NOS1AP: variants seen among roughly 807,000 people sequenced by gnomAD.
NOS1AP encodes carboxyl-terminal PDZ ligand of neuronal nitric oxide synthase protein.
In NOS1AP, 21 loss-of-function variants were observed where a neutral mutation model predicts 56.2. The ratio of observed to expected loss-of-function variants is 0.37; its 90% CI spans 0.26 to 0.54. NOS1AP has a LOEUF of 0.54. Among genes scored for constraint, NOS1AP ranks in the 20% least tolerant of loss-of-function variants. The probability of loss-of-function intolerance (pLI) is 0.84; values close to 1 mark genes in which losing one functional copy is unlikely to be tolerated. For missense variants in NOS1AP, 522 were observed against 657.8 expected, an observed-to-expected ratio of 0.79 and a Z score of 2.26; for synonymous variants, 270 against 274.6, an observed-to-expected ratio of 0.98 and a Z score of 0.17.
intron 2 of NOS1AP, among the ~76,000 whole-genome samples, chr1:162,221,392 G>T (rs1048689353): frequency 2.0e-5 from 3 of 151,952 alleles, no homozygotes; most frequent in African/African-American, 7.3e-5. Flanking sequence ...ATTACAACTA[G>T]AATCTTTTGC....
At position 162,161,372 on chromosome 1, in the gene NOS1AP, A is replaced by G. The variant is rs182012747; in HGVS notation, c.177+6896A>G. ...TTCCACCCCCTACTGAGGTACTCCA[A>G]TATTGGGATCAGGAAGAACTAAATT... On this transcript the variant is annotated intron_variant, in intron 2 of 9. Coordinates refer to ENST00000361897, the MANE Select transcript of NOS1AP (RefSeq NM_014697.3). Among the ~76,000 whole-genome samples, 222 of 152,318 alleles carry G rather than the reference A, an allele frequency of 1.5e-3. 1 individual carries two copies. The highest frequency in any genetic ancestry group is 3.5e-3 in the African/African-American group (146 of 41,570).
At chr1:162,137,422 G>C (rs1186485636) in intron 1 of NOS1AP, among the ~76,000 whole-genome samples, 1 of 151,798 alleles carries the variant, frequency 6.6e-6, no homozygotes. Flanking sequence ...TCCATCTATT[G>C]ATCAGAGTTA....
At chr1:162,238,323 G>A (rs1332259555) in intron 2 of NOS1AP, among the ~76,000 whole-genome samples, 1 of 152,084 alleles carries the variant, frequency 6.6e-6, no homozygotes, top group Non-Finnish European at 1.5e-5. Flanking sequence ...CACAGCCTGT[G>A]CTACATTAAG....
At chr1:162,229,303 G>T (rs927507490) in intron 2 of NOS1AP, among the ~76,000 whole-genome samples, 1 of 152,182 alleles carries the variant, frequency 6.6e-6, no homozygotes, top group African/African-American at 2.4e-5. Context: ...ATACTGGTTA[G>T]ATGTCTGTAG....
intron 1 of NOS1AP, among the ~76,000 whole-genome samples, chr1:162,123,927 TAAA>T (rs1648362440): frequency 6.6e-6 from 1 of 152,106 alleles, no homozygotes; most frequent in African/African-American, 2.4e-5. Context: ...GTTGTCAAAT[TAAA>T]AAAATAATAT....
chr1:162,277,635 C>T (rs1022155114), intron 2 of NOS1AP, among the ~76,000 whole-genome samples: 3 of 152,180 alleles, frequency 2.0e-5, no homozygotes, highest in African/African-American at 7.2e-5. Context: ...CTTGGGAGAG[C>T]ATAGGAAAAG....
At chr1:162,172,285 G>T (rs192898920) in intron 2 of NOS1AP, among the ~76,000 whole-genome samples, 2 of 152,238 alleles carry the variant, frequency 1.3e-5, no homozygotes, top group Non-Finnish European at 2.9e-5. Flanking sequence ...TTCACATTTT[G>T]TGGGTGGTAG....
chr1:162,171,004 A>AT (rs920031766), intron 2 of NOS1AP, among the ~76,000 whole-genome samples: 12 of 151,874 alleles, frequency 7.9e-5, no homozygotes, highest in Non-Finnish European at 1.5e-4. Flanking sequence ...GGTGGAGCTC[A>AT]TCCTGCAGGG....
chr1:162,365,580 G>A lies in NOS1AP; in HGVS notation c.1105+11G>A. ...CAGGACAGAACGCCAGTAAGCCAGT[G>A]CCCTGCCCAGCCCTGCTTCCTCTGT... is the stretch of plus-strand genomic sequence containing the variant. On this transcript the variant is annotated intron_variant, in intron 9 of 9. Transcript: ENST00000361897. 6.2e-7 allele frequency: 1 copy of A among 1,607,198 alleles called. No individual in the cohort carries two copies. The highest frequency in any genetic ancestry group is 8.5e-7 in the Non-Finnish European group (1 of 1,179,980).
intron 1 of NOS1AP, among the ~76,000 whole-genome samples, chr1:162,113,373 A>G (rs111618344): frequency 0.025 from 3,780 of 152,292 alleles, 157 homozygotes; most frequent in African/African-American, 0.085. Flanking sequence ...GCAGCCCCAC[A>G]GTGGAATGTG....
At chr1:162,221,509 AACAC>A (rs747101836) in intron 2 of NOS1AP, among the ~76,000 whole-genome samples, 2 of 139,892 alleles carry the variant, frequency 1.4e-5, no homozygotes, top group East Asian at 2.1e-4. Flanking sequence ...TTTTTAATGC[AACAC>A]ACACACGCAC....
intron 2 of NOS1AP, among the ~76,000 whole-genome samples, chr1:162,202,689 G>A (rs1652035156): frequency 6.6e-6 from 1 of 152,098 alleles, no homozygotes. Flanking sequence ...TCAGGTTAAA[G>A]TATATGAACA....
intron 2 of NOS1AP, among the ~76,000 whole-genome samples, chr1:162,264,409 TCTTCCCTTCTCTTCC>T (rs1258560818): frequency 0.018 from 44 of 2,442 alleles, 4 homozygotes; most frequent in Non-Finnish European, 0.082. Flanking sequence ...TCTCCTCTTC[TCTTCCCTTCTCTTCC>T]CTTCTCTTCT....
At chr1:162,196,297 C>A (rs988219355) in intron 2 of NOS1AP, among the ~76,000 whole-genome samples, 2 of 152,154 alleles carry the variant, frequency 1.3e-5, no homozygotes, top group Admixed American at 6.5e-5. Flanking sequence ...TGGGGCTCAC[C>A]ATTTAGTGGG....
At chr1:162,216,567 C>G (rs1652574990) in intron 2 of NOS1AP, among the ~76,000 whole-genome samples, 1 of 152,194 alleles carries the variant, frequency 6.6e-6, no homozygotes, top group Non-Finnish European at 1.5e-5. Flanking sequence ...CGCTGAACCT[C>G]TATGCTTTGG....
At chr1:162,220,649 A>G (rs909495785) in intron 2 of NOS1AP, among the ~76,000 whole-genome samples, 1 of 152,056 alleles carries the variant, frequency 6.6e-6, no homozygotes, top group Non-Finnish European at 1.5e-5. Flanking sequence ...CAGGTCTTCT[A>G]TGTTGCCCTG....
intron 2 of NOS1AP, among the ~76,000 whole-genome samples, chr1:162,243,635 C>T (rs572775775): frequency 6.6e-6 from 1 of 152,192 alleles, no homozygotes. Flanking sequence ...CATATGATTT[C>T]ACCAGAAATA....
intron 4 of NOS1AP, among the ~76,000 whole-genome samples, chr1:162,331,222 T>C (rs1287909783): frequency 2.6e-5 from 4 of 152,150 alleles, no homozygotes; most frequent in Non-Finnish European, 5.9e-5. Flanking sequence ...TTCAGAACCA[T>C]TTAGAGATGA....
rs568733260 is a variant in NOS1AP at position 162,328,299 on chromosome 1, A to G, written c.345-4718A>G. Among the ~76,000 whole-genome samples the G allele has an allele frequency of 7.9e-5, 12 of 152,362 alleles. No homozygotes were observed. The South Asian group carries it at 1.2e-3, about 16-fold the overall frequency. On this transcript the variant is annotated intron_variant, in intron 4 of 9. Coordinates refer to ENST00000361897, the MANE Select transcript of NOS1AP (RefSeq NM_014697.3). ...GGTGATGGGTTGATAGGTTCAGCAAATCACCATGGCACACATTTACCTATG... is the reference window on the plus strand; with the variant it reads ...GGTGATGGGTTGATAGGTTCAGCAAGTCACCATGGCACACATTTACCTATG...
Sources: allele counts gnomAD v4.1 joint callset (sites outside exome capture counted in the v4.1 genomes callset), GRCh38; gene constraint gnomAD v4.1.1; transcripts MANE v1.5; gene names NCBI Gene and HGNC (gene_info 2026-07-23, HGNC 2026-07-21).